FBXW9: variants seen among roughly 807,000 people sequenced by gnomAD.
FBXW9 encodes the protein F-box/WD repeat-containing protein 9.
In FBXW9, 38 loss-of-function variants were observed where a neutral mutation model predicts 55.8. That is an observed-to-expected ratio of 0.68 (90% CI 0.53 to 0.89). The LOEUF (loss-of-function observed/expected upper bound fraction) is 0.89. Among genes scored for constraint, FBXW9 ranks in the 40% least tolerant of loss-of-function variants. FBXW9 has a pLI of 0.00. For synonymous variants in FBXW9, 289 were observed against 278.2 expected (o/e 1.04, Z -0.38); for missense variants, 590 against 619.4 (o/e 0.95, Z 0.50).
chr19:12,694,646 G>A lies in FBXW9; in HGVS notation c.626C>T (p.Ser209Phe). 1 of 1,614,152 alleles carries A rather than the reference G, an allele frequency of 6.2e-7. No homozygotes were observed. The highest frequency in any genetic ancestry group is 8.5e-7 in the Non-Finnish European group (1 of 1,180,034). ...TAAGGTCTTGATCAGAACCTGGTTG[G>A]ACTCCGTCCCCAGCTGCCGCAGGTC... ...LWDLRQLGTE[S>F]NQVLIKTLGT... The change falls in exon 3 of 10, where the codon TCC becomes TTC. Residue 209 changes from serine (S) to phenylalanine (F), a missense_variant. Coordinates refer to ENST00000393261, the MANE Select transcript of FBXW9 (RefSeq NM_032301.3).
intron 3 of FBXW9, among the ~76,000 whole-genome samples, chr19:12,693,555 TATATATACACACACACACACACAC>T (rs1459825529): frequency 6.8e-4 from 14 of 20,516 alleles, no homozygotes; most frequent in African/African-American, 2.2e-3. Context: ...TATATATATA[TATATATACACACACACACACACAC>T]ACACACACAC....
chr19:12,693,561 T>TACACACACAC (rs1169069518), intron 3 of FBXW9, among the ~76,000 whole-genome samples: 16 of 10,266 alleles, frequency 1.6e-3, no homozygotes, highest in Admixed American at 6.9e-3. Flanking sequence ...TATATATATA[T>TACACACACAC]ACACACACAC....
chr19:12,690,159 G>T (rs202013059), intron 5 of FBXW9, 49 bp from the exon 6 acceptor site: 825 of 1,607,148 alleles, frequency 5.1e-4, no homozygotes, highest in Admixed American at 7.0e-4. Flanking sequence ...CCCCTCGAAG[G>T]CCCCCCCCAG....
At chr19:12,690,356 T>A (rs1045376384) in intron 5 of FBXW9, among the ~76,000 whole-genome samples, 2 of 152,192 alleles carry the variant, frequency 1.3e-5, no homozygotes, top group South Asian at 4.1e-4. Flanking sequence ...TCTACTGTTC[T>A]TAGCACAGAG....
At position 12,693,557 on chromosome 19, in the gene FBXW9, TATATACACACACACACACACACACAC is replaced by T. The variant is rs1302800323; in HGVS notation, c.678+1011_678+1036del. On this transcript the variant is annotated intron_variant, in intron 3 of 9. Transcript: ENST00000393261. ...ATATATATATATATATATATATATA[TATATACACACACACACACACACACAC>T]ACACACACACACACACACACACACA... Among the ~76,000 whole-genome samples, 33 of 16,750 alleles carry T rather than the reference TATATACACACACACACACACACACAC, an allele frequency of 2.0e-3. 1 individual carries two copies. Among genetic ancestry groups the T allele is most frequent in the African/African-American group, 6.7e-3 (33 of 4,896 alleles). The allele number at this position is 16,750 out of a possible 152,430, so 11.0% of individuals were successfully genotyped here.
chr19:12,689,273 G>A lies in FBXW9; in HGVS notation c.1320C>T (p.Asn440=). 1 of 1,614,236 alleles carries A rather than the reference G, an allele frequency of 6.2e-7. No homozygotes were observed. Among genetic ancestry groups the A allele is most frequent in the Non-Finnish European group, 8.5e-7 (1 of 1,180,034 alleles). The change falls in exon 10 of 10, where the codon AAC becomes AAT. Residue 440 remains asparagine, a synonymous_variant. Coordinates refer to ENST00000393261, the MANE Select transcript of FBXW9 (RefSeq NM_032301.3). This position sits in a 1 kb window ranked among gnomAD's most constrained non-coding sequence, Gnocchi z 5.9. ...GGTCTCCAGAGCCGGCCACCACCAG[G>A]TTGCCCTCAGCACAGACCTGGGAAG... ...NGLNRVCAEG[N]LVVAGSGDLS... is the part of the protein sequence containing the mutation.
At chr19:12,693,605 C>A (rs1482371942) in intron 3 of FBXW9, among the ~76,000 whole-genome samples, 2,224 of 70,872 alleles carry the variant, frequency 0.031, 337 homozygotes, top group African/African-American at 0.15. Context: ...CACACACACA[C>A]ACAAAAGAAA....
rs756857411 is a variant in FBXW9, at chr19:12,689,274, T to G, written c.1319A>C (p.Asn440Thr). ...NGLNRVCAEGNLVVAGSGDLS... is the reference protein window; with the variant it reads ...NGLNRVCAEGTLVVAGSGDLS... ...GTCTCCAGAGCCGGCCACCACCAGGTTGCCCTCAGCACAGACCTGGGAAGG... is the reference window on the plus strand; with the variant it reads ...GTCTCCAGAGCCGGCCACCACCAGGGTGCCCTCAGCACAGACCTGGGAAGG... Residue 440 changes from asparagine (N) to threonine (T), a missense_variant, in exon 10 of 10, where the codon AAC (asparagine) becomes ACC (threonine). Coordinates refer to ENST00000393261, the MANE Select transcript of FBXW9 (RefSeq NM_032301.3). This position sits in a 1 kb window ranked among gnomAD's most constrained non-coding sequence, Gnocchi z 5.9. The G allele has an allele frequency of 1.9e-6, 3 of 1,614,152 alleles. No individual in the cohort carries two copies. Among genetic ancestry groups the G allele is most frequent in the South Asian group, 2.2e-5 (2 of 91,086 alleles).
intron 5 of FBXW9, among the ~76,000 whole-genome samples, chr19:12,690,785 C>T (rs2024996814): frequency 6.6e-6 from 1 of 152,118 alleles, no homozygotes; most frequent in South Asian, 2.1e-4. Context: ...GCTGGGACTA[C>T]AGGTAGGCGC....
Position 12,689,685 on chromosome 19 carries a change from C to T in FBXW9, c.1147-55G>A. On this transcript the variant is annotated intron_variant, in intron 7 of 9. Coordinates refer to ENST00000393261, the MANE Select transcript of FBXW9 (RefSeq NM_032301.3). This position sits in a 1 kb window ranked among gnomAD's most constrained non-coding sequence, Gnocchi z 5.9. ...TCGAGGCTCTCCCAAGGCCCGCCCTCCCCCACACCACCAGGGGCTCGGGTA... is the reference window on the plus strand; with the variant it reads ...TCGAGGCTCTCCCAAGGCCCGCCCTTCCCCACACCACCAGGGGCTCGGGTA... 6.2e-7 allele frequency: 1 copy of T among 1,607,182 alleles called. No individual in the cohort carries two copies. The highest frequency in any genetic ancestry group is 8.5e-7 in the Non-Finnish European group (1 of 1,174,180).
intron 3 of FBXW9, among the ~76,000 whole-genome samples, chr19:12,692,709 G>C (rs544571359): frequency 6.6e-6 from 1 of 151,180 alleles, no homozygotes; most frequent in Admixed American, 6.6e-5. Context: ...ATTTTTTGTA[G>C]AGTCAGGGTC....
intron 3 of FBXW9, among the ~76,000 whole-genome samples, chr19:12,694,315 GT>G: frequency 6.8e-6 from 1 of 147,668 alleles, no homozygotes; most frequent in South Asian, 2.1e-4. Flanking sequence ...TCCAGCCTGG[GT>G]GACAGAACGA....
At chr19:12,690,267 C>T in intron 5 of FBXW9, 157 bp from the exon 6 acceptor site, 1 of 1,258,722 alleles carries the variant, frequency 7.9e-7, no homozygotes, top group Non-Finnish European at 1.1e-6. Context: ...TCTCCCGCCT[C>T]AGGTAAATCC....
In FBXW9 at chr19:12,691,441, G is replaced by T; in HGVS notation, c.692C>A (p.Ser231Ter). The change falls in exon 4 of 10, where the codon TCA (serine) becomes TAA (stop). Residue 231 changes from serine (S) to a stop codon, truncating the protein, a stop_gained. Coordinates refer to ENST00000393261, the MANE Select transcript of FBXW9 (RefSeq NM_032301.3). LOFTEE classifies it high-confidence loss of function. ...CACGCGGTGGTCCTGCGCTGCCAGTGACCACACCCAGCCCTGCAGGACAGG... is the reference window on the plus strand; with the variant it reads ...CACGCGGTGGTCCTGCGCTGCCAGTTACCACACCCAGCCCTGCAGGACAGG... Reference protein sequence around the residue: ...RNSTHEGWVWSLAAQDHRVCS... With the variant: ...RNSTHEGWVW 6.3e-7 allele frequency: 1 copy of T among 1,580,962 alleles called. No individual in the cohort carries two copies. Among genetic ancestry groups the T allele is most frequent in the South Asian group, 1.1e-5 (1 of 87,574 alleles).
chr19:12,690,116 T>C lies in FBXW9; in HGVS notation c.884-6A>G, dbSNP rs376353864. 1 of 1,613,494 alleles carries C rather than the reference T, an allele frequency of 6.2e-7. No homozygotes were observed. Among genetic ancestry groups the C allele is most frequent in the Non-Finnish European group, 8.5e-7 (1 of 1,179,966 alleles). On this transcript the variant is annotated splice_polypyrimidine_tract_variant and splice_region_variant and intron_variant, in intron 5 of 9. Coordinates refer to ENST00000393261, the MANE Select transcript of FBXW9 (RefSeq NM_032301.3). ...CTTCAACAGGGCTGGGCCGGCTTCA[T>C]GGGTGATGGGCCGGTGAGGAGGGAT...
intron 3 of FBXW9, 135 bp downstream of exon 3, chr19:12,694,459 A>G: frequency 2.2e-6 from 2 of 924,500 alleles, no homozygotes; most frequent in Non-Finnish European, 3.2e-6. Context: ...CAGAGAAGTC[A>G]CACATCTCAC....
chr19:12,689,550 C>T lies in FBXW9; in HGVS notation c.1227G>A (p.Lys409=). 1 of 1,614,062 alleles carries T rather than the reference C, an allele frequency of 6.2e-7. No individual in the cohort carries two copies. The highest frequency in any genetic ancestry group is 1.1e-5 in the South Asian group (1 of 91,074). Residue 409 remains lysine (K), a synonymous_variant, in exon 8 of 10, where the codon AAG becomes AAA. Transcript: ENST00000393261. This position sits in a 1 kb window ranked among gnomAD's most constrained non-coding sequence, Gnocchi z 5.9. Reference sequence around the variant, plus strand: ...TGGGCAGGAGCCTCACCCGGATGGTCTTGTCAGTGGATGTGGTGTACAAGG... The same window carrying T: ...TGGGCAGGAGCCTCACCCGGATGGTTTTGTCAGTGGATGTGGTGTACAAGG... ...VGALYTTSTD[K]TIRVHVPTDP...
At chr19:12,692,205 G>A (rs1451058312) in intron 3 of FBXW9, among the ~76,000 whole-genome samples, 1 of 151,108 alleles carries the variant, frequency 6.6e-6, no homozygotes, top group African/African-American at 2.4e-5. Context: ...GACTACAGGT[G>A]CATGCCACTA....
In FBXW9 at chr19:12,689,483, A is replaced by G; in HGVS notation, c.1237-46T>C. 6.2e-7 allele frequency: 1 copy of G among 1,608,156 alleles called. No individual in the cohort carries two copies. Among genetic ancestry groups the G allele is most frequent in the East Asian group, 2.2e-5 (1 of 44,840 alleles). Reference sequence around the variant, plus strand: ...AGGTCAAGAGGTGTGCCCCTGGCTGATGGAGGTAGGGGAGAGGCAGGGACT... The same window carrying G: ...AGGTCAAGAGGTGTGCCCCTGGCTGGTGGAGGTAGGGGAGAGGCAGGGACT... On this transcript the variant is annotated intron_variant, in intron 8 of 9. Transcript: ENST00000393261. This position sits in a 1 kb window ranked among gnomAD's most constrained non-coding sequence, Gnocchi z 5.9.
Sources: gnomAD v4.1 joint callset for allele counts (sites outside exome capture counted in the v4.1 genomes callset) on GRCh38, gnomAD v4.1.1 for gene constraint, Gnocchi (gnomAD v3.1) non-coding constraint, MANE v1.5 for transcripts, NCBI Gene and HGNC (gene_info 2026-07-23, HGNC 2026-07-21) for gene names.